Variants in MTHFD2L observed in about 807,000 individuals in gnomAD.
MTHFD2L encodes methylenetetrahydrofolate dehydrogenase (NADP+ dependent) 2 like.
Under a neutral mutation model 34.9 loss-of-function variants are expected in MTHFD2L, and 29 were observed. The ratio of observed to expected loss-of-function variants is 0.83; its 90% CI spans 0.62 to 1.13. MTHFD2L has a LOEUF of 1.13. Ranked by LOEUF, MTHFD2L falls within the 50% of genes most tolerant of loss-of-function variation. The pLI is 0.00. For missense variants in MTHFD2L, 481 were observed against 446.5 expected (o/e 1.08, Z -0.70); for synonymous variants, 167 against 155.7 (o/e 1.07, Z -0.54).
intron 6 of MTHFD2L, among the ~76,000 whole-genome samples, chr4:74,249,167 G>A (rs1180806147): frequency 6.6e-6 from 1 of 150,392 alleles, no homozygotes; most frequent in Non-Finnish European, 1.5e-5. Context: ...GGGTGCTCCT[G>A]TATTGGGTGC....
chr4:74,162,861 G>C (rs1725765939), intron 1 of MTHFD2L, among the ~76,000 whole-genome samples: 1 of 152,084 alleles, frequency 6.6e-6, no homozygotes, highest in Non-Finnish European at 1.5e-5. Flanking sequence ...TATAATTATT[G>C]ACTTATCTTA....
At chr4:74,219,941 T>G (rs1199538714) in intron 5 of MTHFD2L, among the ~76,000 whole-genome samples, 1 of 152,134 alleles carries the variant, frequency 6.6e-6, no homozygotes, top group African/African-American at 2.4e-5. Context: ...CAGATTGAAA[T>G]TTATCCTGAT....
At chr4:74,174,220 C>A (rs918366961) in intron 1 of MTHFD2L, among the ~76,000 whole-genome samples, 3 of 152,046 alleles carry the variant, frequency 2.0e-5, no homozygotes, top group African/African-American at 7.2e-5. Flanking sequence ...CTCCTAATAC[C>A]ATAACATTTG....
In MTHFD2L at chr4:74,284,248, T is replaced by A. The variant is rs563993462; in HGVS notation, c.931+2698T>A. On this transcript the variant is annotated intron_variant, in intron 7 of 7. Coordinates refer to ENST00000325278, the MANE Select transcript of MTHFD2L (RefSeq NM_001144978.3). ...CCCAGAGGATGTAAAAAACTTCACA[T>A]TAAAGGAATCTGCAGTGATATTTCA... is the stretch of plus-strand genomic sequence containing the variant. 1.2e-3 allele frequency among the ~76,000 whole-genome samples: 178 copies of A among 152,154 alleles called. 1 individual carries two copies. Among genetic ancestry groups the A allele is most frequent in the South Asian group, 6.6e-3 (32 of 4,816 alleles).
upstream of MTHFD2L, among the ~76,000 whole-genome samples, chr4:74,121,470 TA>T (rs1412941698): frequency 1.3e-5 from 2 of 150,848 alleles, no homozygotes; most frequent in Non-Finnish European, 2.9e-5. Context: ...AGACTGGACA[TA>T]AGCAATATAC....
At chr4:74,183,000 A>G (rs899435838) in intron 3 of MTHFD2L, 1 of 152,206 alleles carries the variant, frequency 6.6e-6, no homozygotes, top group Non-Finnish European at 1.5e-5. Flanking sequence ...CTCACAGATC[A>G]AAGAAGCTCA....
chr4:74,240,164 A>T (rs1244871886), intron 6 of MTHFD2L, among the ~76,000 whole-genome samples: 2 of 152,228 alleles, frequency 1.3e-5, no homozygotes, highest in Non-Finnish European at 2.9e-5. Context: ...AAGCTCTGCA[A>T]AGGGTTTTGA....
intron 2 of MTHFD2L, among the ~76,000 whole-genome samples, chr4:74,117,031 C>T (rs904460203): frequency 6.6e-6 from 1 of 152,212 alleles, no homozygotes; most frequent in African/African-American, 2.4e-5. Context: ...GCTGATTTAT[C>T]CTCAGGGTAA....
intron 1 of MTHFD2L, among the ~76,000 whole-genome samples, chr4:74,134,962 G>C (rs1384673622): frequency 6.6e-6 from 1 of 152,002 alleles, no homozygotes; most frequent in Admixed American, 6.6e-5. Context: ...CCACTTACAA[G>C]ATATAGAAAA....
upstream of MTHFD2L, among the ~76,000 whole-genome samples, chr4:74,122,217 G>A (rs1721801665): frequency 6.6e-6 from 1 of 152,148 alleles, no homozygotes; most frequent in Non-Finnish European, 1.5e-5. Flanking sequence ...ACCTGAGGCT[G>A]GGTAATTTAT....
chr4:74,187,807 AC>A (rs1731606657), intron 3 of MTHFD2L, among the ~76,000 whole-genome samples: 1 of 16,986 alleles, frequency 5.9e-5, no homozygotes, highest in African/African-American at 6.3e-5. Flanking sequence ...ATTTACACAC[AC>A]ACACACACAC....
At chr4:74,247,822 G>A (rs1742704457) in intron 6 of MTHFD2L, among the ~76,000 whole-genome samples, 13 of 152,112 alleles carry the variant, frequency 8.5e-5, no homozygotes, top group Admixed American at 8.5e-4. Context: ...GCATCCCAGG[G>A]ATGAAGCCCA....
chr4:74,174,918 G>T (rs1054137624), intron 2 of MTHFD2L, among the ~76,000 whole-genome samples: 3 of 152,058 alleles, frequency 2.0e-5, no homozygotes, highest in Non-Finnish European at 4.4e-5. Flanking sequence ...GATATGCAAA[G>T]GATAGTTTGC....
intron 6 of MTHFD2L, among the ~76,000 whole-genome samples, chr4:74,263,977 C>T (rs1298262459): frequency 1.3e-5 from 2 of 151,970 alleles, no homozygotes; most frequent in Non-Finnish European, 2.9e-5. Context: ...TTAATAATCT[C>T]AGAAATCACA....
intron 7 of MTHFD2L, among the ~76,000 whole-genome samples, chr4:74,291,049 G>T (rs1309399121): frequency 4.2e-5 from 2 of 47,666 alleles, no homozygotes; most frequent in African/African-American, 1.3e-4. Flanking sequence ...ATGGAGTCTT[G>T]CTCTGTTGCC....
At chr4:74,227,467 AAG>A (rs1402406175) in intron 6 of MTHFD2L, among the ~76,000 whole-genome samples, 3 of 152,182 alleles carry the variant, frequency 2.0e-5, no homozygotes, top group Non-Finnish European at 4.4e-5. Flanking sequence ...GATCTGTATG[AAG>A]TAAAGGCACA....
Position 74,302,359 on chromosome 4 carries a change from A to AT in MTHFD2L, c.*550_*551insT, listed in dbSNP as rs1750422644. On this transcript the variant is annotated 3_prime_UTR_variant, in exon 8 of 8. Coordinates refer to ENST00000325278, the MANE Select transcript of MTHFD2L (RefSeq NM_001144978.3). Reference sequence around the variant, plus strand: ...AACTATCCCCCAAATGCATCCTATAAGTCCATCCTAATGAGAAATGATGTT... The same window carrying AT: ...AACTATCCCCCAAATGCATCCTATAATGTCCATCCTAATGAGAAATGATGTT... 6.6e-6 allele frequency: 1 copy of AT among 152,098 alleles called. No individual in the cohort carries two copies. The highest frequency in any genetic ancestry group is 1.5e-5 in the Non-Finnish European group (1 of 67,988). The allele number at this position is 152,098 out of a possible 1,614,324, so 9.4% of individuals were successfully genotyped here. A position where few individuals can be genotyped will look rare whatever the true frequency, so the allele number is the denominator to read the frequency against.
intron 6 of MTHFD2L, among the ~76,000 whole-genome samples, chr4:74,265,318 C>A (rs1206318752): frequency 6.6e-6 from 1 of 152,164 alleles, no homozygotes; most frequent in Non-Finnish European, 1.5e-5. Context: ...CTGCTCCACA[C>A]GTGTCTCATC....
At chr4:74,139,402 T>C (rs1723146694) in intron 1 of MTHFD2L, among the ~76,000 whole-genome samples, 1 of 152,224 alleles carries the variant, frequency 6.6e-6, no homozygotes, top group Non-Finnish European at 1.5e-5. Flanking sequence ...CTAGGGATGG[T>C]AGTGCTGCCT....
Sources: allele counts gnomAD v4.1 joint callset (sites outside exome capture counted in the v4.1 genomes callset), GRCh38; gene constraint gnomAD v4.1.1; transcripts MANE v1.5; gene names NCBI Gene and HGNC (gene_info 2026-07-23, HGNC 2026-07-21).